Variants in GRIN2B observed in about 807,000 individuals in gnomAD.
GRIN2B encodes glutamate ionotropic receptor NMDA type subunit 2B.
A neutral mutation model predicts 114.5 loss-of-function variants in GRIN2B; 5 were observed. The observed-to-expected ratio is 0.04, with a 90% confidence interval of 0.02 to 0.09. The LOEUF is 0.09. GRIN2B is among the 10% of genes least tolerant of loss of function. GRIN2B has a pLI of 1.00. For synonymous variants in GRIN2B, 787 were observed against 745.1 expected (o/e 1.06, Z -0.92); for missense variants, 1,108 against 1,943.5 (o/e 0.57, Z 8.08).
intron 2 of GRIN2B, among the ~76,000 whole-genome samples, chr12:13,929,595 C>T (rs567882059): frequency 1.3e-5 from 2 of 152,280 alleles, no homozygotes; most frequent in South Asian, 2.1e-4. Flanking sequence ...TGAACAAAGC[C>T]CTGAGTGTCT....
intron 2 of GRIN2B, among the ~76,000 whole-genome samples, chr12:13,908,733 A>C (rs529469516): frequency 6.6e-6 from 1 of 152,140 alleles, no homozygotes; most frequent in Non-Finnish European, 1.5e-5. Context: ...CTCTCTACTC[A>C]AGTTAAATAA....
In GRIN2B at chr12:13,735,737, T is replaced by G. The variant is rs555516627; in HGVS notation, c.1010+17580A>C. ...TATTTATTTCTGAAATCCCTCCTTC[T>G]CATCAGATATATCCTGTTCCTTTAT... On this transcript the variant is annotated intron_variant, in intron 4 of 13. Transcript: ENST00000609686. Among the ~76,000 whole-genome samples the G allele has an allele frequency of 2.6e-5, 4 of 152,282 alleles. No homozygotes were observed. In the East Asian group the frequency reaches 7.7e-4, roughly 29 times the overall value.
intron 4 of GRIN2B, among the ~76,000 whole-genome samples, chr12:13,740,844 G>T (rs1017795924): frequency 3.9e-5 from 6 of 152,088 alleles, no homozygotes; most frequent in African/African-American, 1.4e-4. Flanking sequence ...GAAAAGGGAG[G>T]TATCAGCAAG....
Position 13,559,436 on chromosome 12 carries a change from T to A in GRIN2B, c.*3347A>T, listed in dbSNP as rs951612617. On this transcript the variant is annotated 3_prime_UTR_variant, in exon 14 of 14. Coordinates refer to ENST00000609686, the MANE Select transcript of GRIN2B (RefSeq NM_000834.5). ...ACAGTCTAGGAAAAGAAGTTCTATT[T>A]GTCTGGTTAACCCAAGGCCAGATTA... is the stretch of plus-strand genomic sequence containing the variant. 2 of 152,214 alleles carry A rather than the reference T, an allele frequency of 1.3e-5. 1 individual carries two copies. The highest frequency in any genetic ancestry group is 4.8e-5 in the African/African-American group (2 of 41,452). The allele number at this position is 152,214 out of a possible 1,614,324, so 9.4% of individuals were successfully genotyped here. A position where few individuals can be genotyped will look rare whatever the true frequency, so the allele number is the denominator to read the frequency against.
intron 10 of GRIN2B, among the ~76,000 whole-genome samples, chr12:13,606,501 C>A (rs1565473012): frequency 6.6e-6 from 1 of 152,216 alleles, no homozygotes; most frequent in African/African-American, 2.4e-5. Context: ...GAGAGATCCA[C>A]CCCCGTGACC....
At position 13,541,022 on chromosome 12, in the gene GRIN2B, A is replaced by G. The variant is rs2136377802; in HGVS notation, c.*21761T>C. The G allele has an allele frequency of 6.6e-6, 1 of 152,382 alleles. No individual in the cohort carries two copies. Among genetic ancestry groups the G allele is most frequent in the South Asian group, 2.1e-4 (1 of 4,828 alleles). The allele number at this position is 152,382 out of a possible 1,614,324, so 9.4% of individuals were successfully genotyped here. ...CACCCCCTTACACACGTGCGCTCAC[A>G]CACACGCTCACACACATGTGCACAG... On this transcript the variant is annotated 3_prime_UTR_variant, in exon 14 of 14. Transcript: ENST00000609686.
At chr12:13,957,205 T>C (rs1222999939) in intron 2 of GRIN2B, among the ~76,000 whole-genome samples, 1 of 152,176 alleles carries the variant, frequency 6.6e-6, no homozygotes, top group Non-Finnish European at 1.5e-5. Flanking sequence ...TCGGCTCAGC[T>C]GCAACAAGTC....
chr12:13,658,206 TA>T (rs745942688), intron 5 of GRIN2B, among the ~76,000 whole-genome samples: 572 of 132,710 alleles, frequency 4.3e-3, no homozygotes, highest in Non-Finnish European at 4.6e-3. Flanking sequence ...AAACTCCATC[TA>T]AAAAAAAAAA....
chr12:13,899,013 C>T (rs909324804), intron 2 of GRIN2B, among the ~76,000 whole-genome samples: 4 of 152,168 alleles, frequency 2.6e-5, no homozygotes, highest in African/African-American at 7.2e-5. Context: ...GCTTGGTTTC[C>T]ATAAGAATTC....
At chr12:13,791,451 C>CAAAAA (rs1234086791) in intron 3 of GRIN2B, among the ~76,000 whole-genome samples, 5 of 106,708 alleles carry the variant, frequency 4.7e-5, no homozygotes, top group Non-Finnish European at 3.9e-5. Context: ...GACTCTGTCT[C>CAAAAA]AAAAAAAAAA....
chr12:13,763,820 TTTGA>T (rs796542061), intron 3 of GRIN2B, among the ~76,000 whole-genome samples: 9 of 152,362 alleles, frequency 5.9e-5, no homozygotes, highest in African/African-American at 2.2e-4. Context: ...GTGTTCAGTG[TTTGA>T]TTGGTTGCAT....
chr12:13,622,457 C>T (rs772889903), intron 5 of GRIN2B, among the ~76,000 whole-genome samples: 1 of 152,110 alleles, frequency 6.6e-6, no homozygotes, highest in Non-Finnish European at 1.5e-5. Context: ...TTCCCCACCC[C>T]CAAAGCTATA....
In GRIN2B at chr12:13,650,883, C is replaced by G. The variant is rs548460558; in HGVS notation, c.1125+24862G>C. 4.6e-5 allele frequency among the ~76,000 whole-genome samples: 7 copies of G among 152,052 alleles called. No homozygotes were observed. The South Asian group carries it at 1.5e-3, about 32-fold the overall frequency. ...TTTTTTGTTACTGAACCCTGGTGCT[C>G]GAGTAGTAGATTAGTTCCTGGTGCA... On this transcript the variant is annotated intron_variant, in intron 5 of 13. Transcript: ENST00000609686.
intron 4 of GRIN2B, among the ~76,000 whole-genome samples, chr12:13,698,421 A>G (rs1950280792): frequency 6.6e-6 from 1 of 152,218 alleles, no homozygotes. Context: ...TATAATTTCA[A>G]TTTTGTATAC....
chr12:13,741,547 T>C (rs1178369579), intron 4 of GRIN2B, among the ~76,000 whole-genome samples: 2 of 152,078 alleles, frequency 1.3e-5, no homozygotes, highest in Non-Finnish European at 2.9e-5. Context: ...TTGGGGTTTT[T>C]TGTTGTTGCT....
At chr12:13,677,809 C>A (rs1950089558) in intron 4 of GRIN2B, among the ~76,000 whole-genome samples, 1 of 152,030 alleles carries the variant, frequency 6.6e-6, no homozygotes, top group Non-Finnish European at 1.5e-5. Flanking sequence ...TAGTCTAATC[C>A]TTCTTCTACA....
intron 10 of GRIN2B, among the ~76,000 whole-genome samples, chr12:13,600,942 T>A (rs1805520): frequency 0.032 from 4,824 of 152,294 alleles, 116 homozygotes; most frequent in Non-Finnish European, 0.051. Context: ...CTATAAAGCA[T>A]GTCTCTGCAA....
rs755714162 is a variant in GRIN2B, at chr12:13,884,639, T to C, written c.-18-18413A>G. On this transcript the variant is annotated intron_variant, in intron 2 of 13. Transcript: ENST00000609686. ...CTAGGACCTCCAATAAAAATTTTTATAGAACTAGTAACAGAGAACATCCTT... is the reference window on the plus strand; with the variant it reads ...CTAGGACCTCCAATAAAAATTTTTACAGAACTAGTAACAGAGAACATCCTT... Among the ~76,000 whole-genome samples, 64 of 152,236 alleles carry C rather than the reference T, an allele frequency of 4.2e-4. 1 individual carries two copies. Among genetic ancestry groups the C allele is most frequent in the Non-Finnish European group, 6.2e-4 (42 of 68,000 alleles).
In GRIN2B at chr12:13,937,805, G is replaced by A. The variant is rs80230766; in HGVS notation, c.-19+42123C>T. ...ATAGTATACATAGAAGTAAAAGATA[G>A]GACAACAATCATACTAAAGACAAGG... On this transcript the variant is annotated intron_variant, in intron 2 of 13. Transcript: ENST00000609686. Among the ~76,000 whole-genome samples the A allele has an allele frequency of 1.6e-4, 25 of 152,126 alleles. No individual in the cohort carries two copies. In the East Asian group the frequency reaches 3.7e-3, roughly 22 times the overall value.
Sources: allele counts gnomAD v4.1 joint callset (sites outside exome capture counted in the v4.1 genomes callset), GRCh38; gene constraint gnomAD v4.1.1; transcripts MANE v1.5; gene names NCBI Gene and HGNC (gene_info 2026-07-23, HGNC 2026-07-21).